CEP112: variants seen among roughly 807,000 people sequenced by gnomAD.
The protein encoded by CEP112 is centrosomal protein 112.
A neutral mutation model predicts 153.0 loss-of-function variants in CEP112; 127 were observed. The ratio of observed to expected loss-of-function variants is 0.83; its 90% CI spans 0.72 to 0.96. The LOEUF (loss-of-function observed/expected upper bound fraction) is 0.96, where lower values mean the gene tolerates loss of function less well. CEP112 is among the 40% of genes least tolerant of loss of function. The pLI, the probability that CEP112 is intolerant of heterozygous loss-of-function variation, is 0.00. For missense variants in CEP112, 1,089 were observed against 1,101.2 expected (o/e 0.99, Z 0.16); for synonymous variants, 358 against 374.4 (o/e 0.96, Z 0.51).
rs372315807 is a variant in CEP112, at chr17:66,140,284, A to C, written c.471-7521T>G. On this transcript the variant is annotated intron_variant, in intron 4 of 26. Coordinates refer to ENST00000535342, the MANE Select transcript of CEP112 (RefSeq NM_001199165.4). ...AGAAGGAATGTACATCAGAATAATAAAATGCATATATGACAAAGCCCATAC... is the reference window on the plus strand; with the variant it reads ...AGAAGGAATGTACATCAGAATAATACAATGCATATATGACAAAGCCCATAC... Among the ~76,000 whole-genome samples the C allele has an allele frequency of 5.3e-5, 8 of 152,210 alleles. No individual in the cohort carries two copies. The East Asian group carries it at 1.2e-3, about 22-fold the overall frequency.
chr17:65,738,377 CA>C (rs2050925871), intron 23 of CEP112, among the ~76,000 whole-genome samples: 1 of 152,144 alleles, frequency 6.6e-6, no homozygotes, highest in Non-Finnish European at 1.5e-5. Context: ...CAGCCAAAAT[CA>C]ACATGTTCTG....
chr17:66,178,539 T>C (rs2072584691), intron 2 of CEP112, among the ~76,000 whole-genome samples: 1 of 152,152 alleles, frequency 6.6e-6, no homozygotes, highest in Non-Finnish European at 1.5e-5. Context: ...ATCGTTTCCT[T>C]TGCAGAAGCT....
At chr17:66,055,938 T>A (rs2066665648) in intron 11 of CEP112, among the ~76,000 whole-genome samples, 1 of 152,202 alleles carries the variant, frequency 6.6e-6, no homozygotes, top group Non-Finnish European at 1.5e-5. Context: ...GCATAATGCA[T>A]CAGTGAGCAC....
chr17:65,681,717 A>C (rs571448885), intron 24 of CEP112, among the ~76,000 whole-genome samples: 2 of 141,866 alleles, frequency 1.4e-5, no homozygotes, highest in Admixed American at 1.5e-4. Flanking sequence ...TCTGTAGCCC[A>C]GGCTGGAGTA....
chr17:65,816,437 C>A (rs925273691), intron 21 of CEP112, among the ~76,000 whole-genome samples: 24 of 151,958 alleles, frequency 1.6e-4, no homozygotes, highest in African/African-American at 5.8e-4. Flanking sequence ...TCCCCCACCC[C>A]CTTCCCACCT....
At chr17:66,052,770 T>C (rs1029178639) in intron 12 of CEP112, among the ~76,000 whole-genome samples, 3 of 143,214 alleles carry the variant, frequency 2.1e-5, no homozygotes, top group Non-Finnish European at 4.6e-5. Flanking sequence ...AGAAAAACAA[T>C]CAAGTCTTCC....
intron 16 of CEP112, among the ~76,000 whole-genome samples, chr17:66,014,104 C>T (rs1252824986): frequency 1.3e-5 from 2 of 152,204 alleles, no homozygotes; most frequent in African/African-American, 4.8e-5. Flanking sequence ...CATGGAAGGG[C>T]AAGGTTCACC....
At chr17:66,138,159 T>A (rs1459996259) in intron 4 of CEP112, among the ~76,000 whole-genome samples, 1 of 152,060 alleles carries the variant, frequency 6.6e-6, no homozygotes, top group Non-Finnish European at 1.5e-5. Context: ...ATCCATCTCC[T>A]CGCCCAACTA....
Position 66,046,321 on chromosome 17 carries a change from C to T in CEP112, c.1218+7415G>A, listed in dbSNP as rs188859798. On this transcript the variant is annotated intron_variant, in intron 12 of 26. Coordinates refer to ENST00000535342, the MANE Select transcript of CEP112 (RefSeq NM_001199165.4). ...CCTCCCAAAGTGCTGGGATTATAGG[C>T]GTGAGCCACCACGCCCGGCCAAAAA... is the stretch of plus-strand genomic sequence containing the variant. Among the ~76,000 whole-genome samples the T allele has an allele frequency of 5.9e-5, 9 of 152,242 alleles. No homozygotes were observed. The East Asian group carries it at 1.7e-3, about 30-fold the overall frequency.
chr17:66,154,003 GAAAAAAAAA>G (rs59042292), intron 4 of CEP112, among the ~76,000 whole-genome samples: 47 of 134,338 alleles, frequency 3.5e-4, no homozygotes, highest in African/African-American at 1.3e-3. Flanking sequence ...TCTCTACTAA[GAAAAAAAAA>G]AAAAAAAAAT....
chr17:65,660,384 TTCC>T (rs1212018415), intron 24 of CEP112, among the ~76,000 whole-genome samples: 1 of 127,424 alleles, frequency 7.8e-6, no homozygotes, highest in Non-Finnish European at 1.6e-5. Flanking sequence ...CCTTCCTTCC[TTCC>T]TCCCTCCCTC....
chr17:65,839,364 C>G lies in CEP112; in HGVS notation c.2394+12440G>C, dbSNP rs1433448682. ...CAAGGATGATTCAACATAAATATAT[C>G]AGTAAATGTGATACATCACATTAAC... On this transcript the variant is annotated intron_variant, in intron 21 of 26. Transcript: ENST00000535342. Among the ~76,000 whole-genome samples the G allele has an allele frequency of 2.0e-5, 3 of 151,922 alleles. No individual in the cohort carries two copies. In the East Asian group the frequency reaches 5.8e-4, roughly 29 times the overall value.
intron 3 of CEP112, among the ~76,000 whole-genome samples, chr17:66,175,967 G>T (rs956126958): frequency 2.6e-5 from 4 of 152,128 alleles, no homozygotes; most frequent in African/African-American, 9.7e-5. Context: ...CTGTTCTTTA[G>T]GGAGGATGAC....
intron 25 of CEP112, among the ~76,000 whole-genome samples, chr17:65,639,859 C>T (rs572556204): frequency 2.8e-4 from 28 of 101,150 alleles, no homozygotes; most frequent in Middle Eastern, 0.012. Context: ...TTTTTTGAGA[C>T]GGAGTCTTCC....
chr17:65,971,091 A>G (rs979828694), intron 17 of CEP112, among the ~76,000 whole-genome samples: 7 of 152,230 alleles, frequency 4.6e-5, no homozygotes, highest in African/African-American at 1.4e-4. Flanking sequence ...TTACATGTAT[A>G]TTACATGGTA....
intron 21 of CEP112, among the ~76,000 whole-genome samples, chr17:65,849,555 G>C (rs897568725): frequency 6.6e-6 from 1 of 152,118 alleles, no homozygotes; most frequent in Non-Finnish European, 1.5e-5. Flanking sequence ...ATTTCACGAA[G>C]TTCATCTCCT....
At chr17:65,854,963 A>T (rs1038537985) in intron 20 of CEP112, among the ~76,000 whole-genome samples, 18 of 152,046 alleles carry the variant, frequency 1.2e-4, no homozygotes, top group South Asian at 6.2e-4. Context: ...TTCTTTTTTT[A>T]AAAAAAAGCT....
At chr17:66,141,459 T>C (rs2070696818) in intron 4 of CEP112, among the ~76,000 whole-genome samples, 1 of 152,200 alleles carries the variant, frequency 6.6e-6, no homozygotes, top group Non-Finnish European at 1.5e-5. Flanking sequence ...ATTTTAAGTG[T>C]ACAGCACAGT....
intron 23 of CEP112, among the ~76,000 whole-genome samples, chr17:65,712,661 CA>C (rs942799772): frequency 1.3e-5 from 2 of 151,682 alleles, no homozygotes; most frequent in South Asian, 2.1e-4. Context: ...TGAGCAACAA[CA>C]AAAAAAACCC....
Sources: gnomAD v4.1 joint callset for allele counts (sites outside exome capture counted in the v4.1 genomes callset) on GRCh38, gnomAD v4.1.1 for gene constraint, MANE v1.5 for transcripts, NCBI Gene and HGNC (gene_info 2026-07-23, HGNC 2026-07-21) for gene names.